USH2A: variants seen among roughly 807,000 people sequenced by gnomAD.
USH2A encodes Usher syndrome 2A (autosomal recessive, mild).
In USH2A, 443 loss-of-function variants were observed where a neutral mutation model predicts 538.9. That is an observed-to-expected ratio of 0.82 (90% CI 0.76 to 0.89). The LOEUF (loss-of-function observed/expected upper bound fraction) is 0.89. Among genes scored for constraint, USH2A ranks in the 40% least tolerant of loss-of-function variants. The probability of loss-of-function intolerance (pLI) is 0.00; values close to 1 mark genes in which losing one functional copy is unlikely to be tolerated. For synonymous variants in USH2A, 2,413 were observed against 2,273.5 expected, an observed-to-expected ratio of 1.06 and a Z score of -1.75; for missense variants, 6,633 against 6,324.8, an observed-to-expected ratio of 1.05 and a Z score of -1.65.
In USH2A at chr1:215,758,651, G is replaced by A. The variant is rs1487152240; in HGVS notation, c.11333C>T (p.Pro3778Leu). Residue 3778 changes from proline to leucine, a missense_variant, in exon 58 of 72, where the codon CCA becomes CTA. By Grantham distance (98) the Pro-to-Leu change is moderately conservative (BLOSUM62 -3). Transcript: ENST00000307340. ...PMSTPEEIYPPYNITVIGPYS... is the reference protein window; with the variant it reads ...PMSTPEEIYPLYNITVIGPYS... ...AGGCCCAATTACTGTGATATTATAT[G>A]GAGGATAGATTTCTTCTGGTGTTGA... The A allele has an allele frequency of 1.2e-6, 2 of 1,613,518 alleles. No homozygotes were observed. The highest frequency in any genetic ancestry group is 2.2e-5 in the East Asian group (1 of 44,832).
intron 64 of USH2A, 147 bp downstream of exon 64, chr1:215,670,825 C>G: frequency 1.3e-6 from 1 of 793,740 alleles, no homozygotes. Flanking sequence ...TCCTCATTTA[C>G]CACTTAAAAA....
At chr1:216,253,310 C>T (rs931493212) in intron 11 of USH2A, among the ~76,000 whole-genome samples, 1 of 151,968 alleles carries the variant, frequency 6.6e-6, no homozygotes, top group African/African-American at 2.4e-5. Flanking sequence ...TCCCCAGTAG[C>T]TGGGCCACCA....
At chr1:216,198,179 T>G in intron 18 of USH2A, 136 bp downstream of exon 18, 5 of 1,294,750 alleles carry the variant, frequency 3.9e-6, no homozygotes, top group Middle Eastern at 2.3e-4. Flanking sequence ...TCCATATATA[T>G]GAAAATTTTC....
Position 216,059,099 on chromosome 1 carries a change from G to C in USH2A, c.6050-10452C>G, listed in dbSNP as rs138762137. Among the ~76,000 whole-genome samples, 66 of 152,132 alleles carry C rather than the reference G, an allele frequency of 4.3e-4. 1 individual carries two copies. In the East Asian group the frequency reaches 0.012, roughly 29 times the overall value. On this transcript the variant is annotated intron_variant, in intron 30 of 71. Transcript: ENST00000307340. ...TCTGCAGACTTCTCAGGTAAGTATG[G>C]TTACATATATATAGAGAGAATACAT...
intron 22 of USH2A, among the ~76,000 whole-genome samples, chr1:216,090,488 C>A (rs894965635): frequency 1.3e-5 from 2 of 151,166 alleles, no homozygotes; most frequent in Non-Finnish European, 2.9e-5. Context: ...GGTTGTCTCT[C>A]ACATGGACAA....
At chr1:216,229,014 A>C (rs1181916655) in intron 14 of USH2A, among the ~76,000 whole-genome samples, 1 of 152,098 alleles carries the variant, frequency 6.6e-6, no homozygotes, top group Non-Finnish European at 1.5e-5. Context: ...TCCACTAAAA[A>C]TACAAAAAAA....
intron 30 of USH2A, among the ~76,000 whole-genome samples, chr1:216,060,421 T>C (rs2102537387): frequency 6.6e-6 from 1 of 152,326 alleles, no homozygotes; most frequent in South Asian, 2.1e-4. Context: ...AAGTCCATTG[T>C]ATGTAAAGAC....
At chr1:216,358,561 A>G (rs2102700282) in intron 4 of USH2A, among the ~76,000 whole-genome samples, 1 of 152,270 alleles carries the variant, frequency 6.6e-6, no homozygotes, top group East Asian at 1.9e-4. Context: ...TTCTGATTAG[A>G]GAGGTGGCAT....
At chr1:215,690,405 G>T (rs113967714) in intron 61 of USH2A, among the ~76,000 whole-genome samples, 1 of 152,112 alleles carries the variant, frequency 6.6e-6, no homozygotes, top group Non-Finnish European at 1.5e-5. Context: ...CCACAATTGC[G>T]TAAGGTCTAA....
At chr1:216,151,046 C>T (rs2033821470) in intron 21 of USH2A, among the ~76,000 whole-genome samples, 2 of 152,152 alleles carry the variant, frequency 1.3e-5, no homozygotes, top group Non-Finnish European at 2.9e-5. Context: ...TCAGACTCTC[C>T]TCCCAGGCCC....
chr1:216,166,926 C>A (rs2034181523), intron 21 of USH2A, among the ~76,000 whole-genome samples: 1 of 152,050 alleles, frequency 6.6e-6, no homozygotes, highest in African/African-American at 2.4e-5. Flanking sequence ...GATATGGCCA[C>A]CATTGCCAGA....
intron 44 of USH2A, among the ~76,000 whole-genome samples, chr1:215,859,530 T>A (rs1664261033): frequency 6.6e-6 from 1 of 151,994 alleles, no homozygotes; most frequent in Non-Finnish European, 1.5e-5. Flanking sequence ...TGAGACTCCA[T>A]CTCCAAAAAA....
In USH2A at chr1:216,072,531, C is replaced by T. The variant is rs1438407213; in HGVS notation, c.5857+358G>A. The T allele has an allele frequency of 4.1e-5, 14 of 337,540 alleles. No individual in the cohort carries two copies. The East Asian group carries it at 6.3e-4, about 15-fold the overall frequency. The allele number at this position is 337,540 out of a possible 1,614,324, so 20.9% of individuals were successfully genotyped here. ...GGTGCCACTCCCAGCCAAGGATAAT[C>T]CTAATCCCTGACTTCAGCTTCTTGC... On this transcript the variant is annotated intron_variant, in intron 29 of 71. Transcript: ENST00000307340.
At chr1:216,259,056 G>A (rs1027267544) in intron 11 of USH2A, among the ~76,000 whole-genome samples, 2 of 152,010 alleles carry the variant, frequency 1.3e-5, no homozygotes, top group African/African-American at 4.8e-5. Context: ...GAAAACCATG[G>A]ATCAAAAACC....
At chr1:215,732,962 G>A (rs187023546) in intron 60 of USH2A, among the ~76,000 whole-genome samples, 1 of 151,888 alleles carries the variant, frequency 6.6e-6, no homozygotes, top group East Asian at 1.9e-4. Flanking sequence ...CCTTCTATGT[G>A]CTACCTCTTT....
At chr1:216,130,481 C>T (rs1271606596) in intron 21 of USH2A, among the ~76,000 whole-genome samples, 3 of 148,988 alleles carry the variant, frequency 2.0e-5, no homozygotes, top group Non-Finnish European at 3.0e-5. Flanking sequence ...ACTGTGAATG[C>T]TATTAACTAA....
chr1:216,345,062 T>C (rs903545986), intron 4 of USH2A, among the ~76,000 whole-genome samples: 3 of 151,990 alleles, frequency 2.0e-5, no homozygotes, highest in Non-Finnish European at 4.4e-5. Flanking sequence ...GACAGATCCC[T>C]TCAAGCGGCA....
At chr1:215,713,312 G>T (rs1659393170) in intron 61 of USH2A, among the ~76,000 whole-genome samples, 1 of 152,126 alleles carries the variant, frequency 6.6e-6, no homozygotes, top group Admixed American at 6.5e-5. Flanking sequence ...GCACTATTAG[G>T]CATAACCTCC....
chr1:215,832,558 T>C (rs1044514618), intron 47 of USH2A, among the ~76,000 whole-genome samples: 4 of 152,002 alleles, frequency 2.6e-5, no homozygotes, highest in African/African-American at 7.2e-5. Context: ...CATGTCCATT[T>C]ATAATGAAAA....
Sources: gnomAD v4.1 joint callset for allele counts (sites outside exome capture counted in the v4.1 genomes callset) on GRCh38, gnomAD v4.1.1 for gene constraint, MANE v1.5 for transcripts, NCBI Gene and HGNC (gene_info 2026-07-23, HGNC 2026-07-21) for gene names.